Variants in BDKRB2 observed in about 807,000 individuals in gnomAD.
The protein encoded by BDKRB2 is B2 bradykinin receptor.
BDKRB2 carries 6 observed loss-of-function variants against 4.0 expected under a neutral mutation model. That is an observed-to-expected ratio of 1.49 (90% CI 0.81 to 2.93). The LOEUF is 2.93. Ranked by LOEUF, BDKRB2 falls within the 30% of genes most tolerant of loss-of-function variation. The pLI is 0.00. For synonymous variants in BDKRB2, 225 were observed against 215.3 expected (o/e 1.05, Z -0.40); for missense variants, 478 against 520.1 (o/e 0.92, Z 0.79).
chr14:96,205,683 G>C (rs1012251892), intron 1 of BDKRB2, among the ~76,000 whole-genome samples: 1 of 152,214 alleles, frequency 6.6e-6, no homozygotes, highest in Non-Finnish European at 1.5e-5. Context: ...CACCCTGTGG[G>C]TGACGTTTTT....
chr14:96,210,016 A>AATAATAATC (rs1491344850), intron 1 of BDKRB2, among the ~76,000 whole-genome samples: 25 of 136,338 alleles, frequency 1.8e-4, no homozygotes, highest in Middle Eastern at 4.0e-3. Context: ...TAATAATAAT[A>AATAATAATC]ATCATCATCA....
At chr14:96,205,854 C>T (rs987075160) in intron 1 of BDKRB2, among the ~76,000 whole-genome samples, 1 of 152,148 alleles carries the variant, frequency 6.6e-6, no homozygotes, top group South Asian at 2.1e-4. Context: ...AGGTCGTTTC[C>T]GCAGCCTGGG....
At chr14:96,216,610 A>G (rs904057342) in intron 1 of BDKRB2, among the ~76,000 whole-genome samples, 1 of 151,082 alleles carries the variant, frequency 6.6e-6, no homozygotes, top group Non-Finnish European at 1.5e-5. Flanking sequence ...GCAACAGAGC[A>G]AGATCCTGTT....
intron 1 of BDKRB2, among the ~76,000 whole-genome samples, chr14:96,214,451 A>G (rs1890373651): frequency 6.6e-6 from 1 of 152,224 alleles, no homozygotes; most frequent in African/African-American, 2.4e-5. Flanking sequence ...TGCCGGGGAC[A>G]ATGCTCCTTA....
chr14:96,234,414 G>A (rs1225243515), intron 1 of BDKRB2, among the ~76,000 whole-genome samples: 2 of 152,162 alleles, frequency 1.3e-5, no homozygotes, highest in Non-Finnish European at 1.5e-5. Context: ...CCCTCCCTCA[G>A]GCTCCTGCTG....
intron 1 of BDKRB2, among the ~76,000 whole-genome samples, chr14:96,232,192 T>C (rs1890833167): frequency 6.6e-6 from 1 of 152,160 alleles, no homozygotes; most frequent in African/African-American, 2.4e-5. Context: ...GCTCCATGCA[T>C]CTGACACACA....
Position 96,237,194 on chromosome 14 carries a change from G to A in BDKRB2, c.74+13G>A. On this transcript the variant is annotated intron_variant, in intron 2 of 2. Transcript: ENST00000554311. ...CGGCCTCTTTCAGGTGAGTCAAAGGGATTCCTCAGTTCACTAGTTAGGGGA... is the reference window on the plus strand; with the variant it reads ...CGGCCTCTTTCAGGTGAGTCAAAGGAATTCCTCAGTTCACTAGTTAGGGGA... 2 of 1,608,310 alleles carry A rather than the reference G, an allele frequency of 1.2e-6. No individual in the cohort carries two copies. Among genetic ancestry groups the A allele is most frequent in the Non-Finnish European group, 1.7e-6 (2 of 1,174,634 alleles).
At chr14:96,216,068 T>C (rs560508802) in intron 1 of BDKRB2, among the ~76,000 whole-genome samples, 4 of 152,170 alleles carry the variant, frequency 2.6e-5, no homozygotes, top group African/African-American at 9.7e-5. Flanking sequence ...GGGAGGATTT[T>C]GTTTCTGGCT....
chr14:96,210,659 T>C (rs1890283131), intron 1 of BDKRB2, among the ~76,000 whole-genome samples: 1 of 152,220 alleles, frequency 6.6e-6, no homozygotes, highest in Admixed American at 6.5e-5. Context: ...TGTGGGGGTC[T>C]GGCTAATGTC....
intron 1 of BDKRB2, among the ~76,000 whole-genome samples, chr14:96,229,708 G>A (rs1016317169): frequency 3.3e-5 from 5 of 152,130 alleles, no homozygotes; most frequent in Admixed American, 2.0e-4. Flanking sequence ...GAATCAGGCA[G>A]GGCACCCGGG....
At chr14:96,211,661 C>T (rs904652372) in intron 1 of BDKRB2, among the ~76,000 whole-genome samples, 1 of 152,174 alleles carries the variant, frequency 6.6e-6, no homozygotes, top group African/African-American at 2.4e-5. Flanking sequence ...ACCCACTTCC[C>T]TTCTCCCTCC....
intron 1 of BDKRB2, among the ~76,000 whole-genome samples, chr14:96,224,115 C>T (rs1255030536): frequency 6.6e-6 from 1 of 151,236 alleles, no homozygotes; most frequent in Non-Finnish European, 1.5e-5. Context: ...AAATGACAGA[C>T]ATGCAGGATT....
chr14:96,221,403 T>G (rs1278203088), intron 1 of BDKRB2, among the ~76,000 whole-genome samples: 1 of 152,128 alleles, frequency 6.6e-6, no homozygotes, highest in East Asian at 1.9e-4. Flanking sequence ...TCATGGTGGG[T>G]GTCCTGTCTG....
At chr14:96,223,124 T>C (rs1423625943) in intron 1 of BDKRB2, 3 of 1,284,468 alleles carry the variant, frequency 2.3e-6, no homozygotes, top group Non-Finnish European at 3.4e-6. Flanking sequence ...CACAAACAAA[T>C]TCACTATTCG....
At chr14:96,206,756 G>GC (rs1890189786) in intron 1 of BDKRB2, among the ~76,000 whole-genome samples, 4 of 152,132 alleles carry the variant, frequency 2.6e-5, no homozygotes, top group Admixed American at 6.5e-5. Context: ...CCTGGGCGCG[G>GC]TGGGGGGAGC....
intron 1 of BDKRB2, among the ~76,000 whole-genome samples, chr14:96,213,351 C>T (rs1325097002): frequency 6.6e-6 from 1 of 152,152 alleles, no homozygotes; most frequent in Non-Finnish European, 1.5e-5. Context: ...TAACACAGCT[C>T]TCTGAATCTG....
chr14:96,219,132 T>C (rs1020214751), intron 1 of BDKRB2, among the ~76,000 whole-genome samples: 3 of 151,498 alleles, frequency 2.0e-5, no homozygotes, highest in African/African-American at 7.3e-5. Context: ...CAAGACCCTG[T>C]CTCTACTAAA....
intron 1 of BDKRB2, among the ~76,000 whole-genome samples, chr14:96,217,759 C>G (rs1890460143): frequency 6.6e-6 from 1 of 152,184 alleles, no homozygotes; most frequent in African/African-American, 2.4e-5. Context: ...ACAGGCTATG[C>G]ATCCAGGAAG....
chr14:96,206,270 C>A (rs763947204), intron 1 of BDKRB2, among the ~76,000 whole-genome samples: 35 of 152,196 alleles, frequency 2.3e-4, no homozygotes, highest in Non-Finnish European at 4.7e-4. Context: ...AAAGAGGAAG[C>A]ATGCGTGCTG....
Sources: gnomAD v4.1 joint callset for allele counts (sites outside exome capture counted in the v4.1 genomes callset) on GRCh38, gnomAD v4.1.1 for gene constraint, MANE v1.5 for transcripts, NCBI Gene and HGNC (gene_info 2026-07-23, HGNC 2026-07-21) for gene names.